The following UBE2D3 variants were observed in gnomAD, a reference collection of about 807,000 sequenced individuals.
UBE2D3 encodes the protein ubiquitin-conjugating enzyme E2 D3.
UBE2D3 carries 2 observed loss-of-function variants against 22.8 expected under a neutral mutation model. The observed-to-expected ratio is 0.09, with a 90% CI of 0.04 to 0.28. UBE2D3 has a LOEUF of 0.28. Among genes scored for constraint, UBE2D3 ranks in the 10% least tolerant of loss-of-function variants. The probability of loss-of-function intolerance (pLI) is 1.00; values close to 1 mark genes in which losing one functional copy is unlikely to be tolerated. For synonymous variants in UBE2D3, 56 were observed against 60.4 expected, an observed-to-expected ratio of 0.93 and a Z score of 0.34; for missense variants, 27 against 182.5, an observed-to-expected ratio of 0.15 and a Z score of 4.91.
upstream of UBE2D3, among the ~76,000 whole-genome samples, chr4:102,828,440 C>T (rs115265538): frequency 0.01 from 1,551 of 152,038 alleles, 34 homozygotes; most frequent in African/African-American, 0.034. Flanking sequence ...CTCCCACGTG[C>T]TGAAGTCTAG....
At chr4:102,820,908 G>A (rs1457883318) in intron 2 of UBE2D3, among the ~76,000 whole-genome samples, 1 of 152,068 alleles carries the variant, frequency 6.6e-6, no homozygotes, top group African/African-American at 2.4e-5. Context: ...ATTTAAATAC[G>A]ACAAATTCAG....
At chr4:102,864,824 T>C (rs999886091) in intron 1 of UBE2D3, among the ~76,000 whole-genome samples, 7 of 152,194 alleles carry the variant, frequency 4.6e-5, no homozygotes, top group African/African-American at 1.4e-4. Flanking sequence ...GGTATTGTTA[T>C]AGAGGTTATA....
intron 1 of UBE2D3, among the ~76,000 whole-genome samples, chr4:102,864,899 A>G (rs1364922475): frequency 6.6e-6 from 1 of 152,356 alleles, no homozygotes; most frequent in East Asian, 1.9e-4. Context: ...GAGATAAGTG[A>G]CATTACAAAC....
intron 1 of UBE2D3, among the ~76,000 whole-genome samples, chr4:102,855,732 G>GT (rs1421982597): frequency 8.5e-5 from 13 of 152,182 alleles, no homozygotes; most frequent in African/African-American, 2.4e-4. Flanking sequence ...TCATTCAGCA[G>GT]TTTTTTACTG....
At chr4:102,823,622 G>A (rs2110326901) in intron 2 of UBE2D3, among the ~76,000 whole-genome samples, 1 of 152,270 alleles carries the variant, frequency 6.6e-6, no homozygotes, top group African/African-American at 2.4e-5. Flanking sequence ...AATGGGAGTG[G>A]TAAAATTGTC....
chr4:102,805,685 T>C (rs1202307560), intron 4 of UBE2D3, among the ~76,000 whole-genome samples: 1 of 152,160 alleles, frequency 6.6e-6, no homozygotes, highest in Non-Finnish European at 1.5e-5. Flanking sequence ...GTTGATTTTC[T>C]ACTCTTAACT....
intron 2 of UBE2D3, among the ~76,000 whole-genome samples, chr4:102,821,146 T>A (rs917617747): frequency 6.6e-6 from 1 of 152,174 alleles, no homozygotes; most frequent in Non-Finnish European, 1.5e-5. Context: ...AACACTGCTA[T>A]GGTAGCAAGC....
intron 2 of UBE2D3, chr4:102,825,708 GC>G: frequency 1.7e-6 from 1 of 603,990 alleles, no homozygotes; most frequent in South Asian, 1.5e-5. Context: ...ATAGAATGAG[GC>G]AAAAATAGGT....
chr4:102,861,567 C>A (rs769931489), intron 1 of UBE2D3, among the ~76,000 whole-genome samples: 10 of 151,962 alleles, frequency 6.6e-5, no homozygotes, highest in Non-Finnish European at 1.3e-4. Context: ...ATGCCTAGTT[C>A]ATCGGTGCTT....
chr4:102,814,923 G>A (rs1578246879), intron 2 of UBE2D3, among the ~76,000 whole-genome samples: 1 of 151,980 alleles, frequency 6.6e-6, no homozygotes. Context: ...ACTGAAATAA[G>A]AGTTTAAAAA....
intron 1 of UBE2D3, among the ~76,000 whole-genome samples, chr4:102,851,005 G>A (rs1732314314): frequency 6.6e-6 from 1 of 152,100 alleles, no homozygotes; most frequent in Admixed American, 6.6e-5. Context: ...GGTGACAGGT[G>A]CACCAGAATC....
intron 1 of UBE2D3, among the ~76,000 whole-genome samples, chr4:102,847,634 G>A (rs565715719): frequency 1.7e-4 from 25 of 151,350 alleles, no homozygotes; most frequent in Non-Finnish European, 2.7e-4. Context: ...TTTTTCTTAT[G>A]TATTTTTCTT....
At chr4:102,817,628 A>G (rs1455603284) in intron 2 of UBE2D3, among the ~76,000 whole-genome samples, 1 of 152,190 alleles carries the variant, frequency 6.6e-6, no homozygotes, top group Non-Finnish European at 1.5e-5. Flanking sequence ...AAAATTCTCA[A>G]CTGCACCAAA....
chr4:102,822,740 C>G (rs1234437082), intron 2 of UBE2D3, among the ~76,000 whole-genome samples: 1 of 151,880 alleles, frequency 6.6e-6, no homozygotes, highest in Non-Finnish European at 1.5e-5. Context: ...TCAAGACCAT[C>G]CTGGTTAACA....
intron 2 of UBE2D3, among the ~76,000 whole-genome samples, chr4:102,816,331 A>G (rs1300166121): frequency 1.3e-5 from 2 of 152,196 alleles, no homozygotes; most frequent in Non-Finnish European, 2.9e-5. Context: ...AAGAGCTATA[A>G]GAATGTGACC....
Position 102,825,719 on chromosome 4 carries a change from T to C in UBE2D3, c.24+766A>G, listed in dbSNP as rs967683202. The C allele has an allele frequency of 1.1e-5, 6 of 557,162 alleles. No individual in the cohort carries two copies. In the Admixed American group the frequency reaches 1.2e-4, roughly 11 times the overall value. 34.5% of individuals were successfully genotyped at this position (557,162 alleles called of 1,614,324 possible). ...TTAAATAGAATGAGGCAAAAATAGG[T>C]ACATTAGCTTTCCCTTACTGCCATC... On this transcript the variant is annotated intron_variant, in intron 2 of 7. Transcript: ENST00000453744.
At chr4:102,845,915 T>C (rs1406239345) in intron 1 of UBE2D3, among the ~76,000 whole-genome samples, 1 of 152,106 alleles carries the variant, frequency 6.6e-6, no homozygotes. Context: ...CTCAGTCTCC[T>C]GAGTAGCTGA....
chr4:102,847,690 C>A (rs1732109372), intron 1 of UBE2D3, among the ~76,000 whole-genome samples: 1 of 152,032 alleles, frequency 6.6e-6, no homozygotes, highest in African/African-American at 2.4e-5. Context: ...ATCACCCAGG[C>A]TGGAGTGCAG....
intron 2 of UBE2D3, among the ~76,000 whole-genome samples, chr4:102,820,505 G>T (rs772400081): frequency 6.6e-6 from 1 of 152,112 alleles, no homozygotes; most frequent in Non-Finnish European, 1.5e-5. Context: ...CTGTTTAGTC[G>T]TAATTATAGG....
Sources: allele counts gnomAD v4.1 joint callset (sites outside exome capture counted in the v4.1 genomes callset), GRCh38; gene constraint gnomAD v4.1.1; transcripts MANE v1.5; gene names NCBI Gene and HGNC (gene_info 2026-07-23, HGNC 2026-07-21).